FARS2: variants seen among roughly 807,000 people sequenced by gnomAD.
FARS2 encodes the protein phenylalanyl-tRNA synthetase 2, mitochondrial.
In FARS2, 40 loss-of-function variants were observed where a neutral mutation model predicts 46.4. The ratio of observed to expected loss-of-function variants is 0.86; its 90% CI spans 0.67 to 1.12. The LOEUF (loss-of-function observed/expected upper bound fraction) is 1.12, where lower values mean the gene tolerates loss of function less well. FARS2 is among the 50% of genes most tolerant of loss of function. FARS2 has a pLI of 0.00. For missense variants in FARS2, 513 were observed against 567.9 expected (o/e 0.90, Z 0.98); for synonymous variants, 234 against 214.9 (o/e 1.09, Z -0.78).
intron 1 of FARS2, among the ~76,000 whole-genome samples, chr6:5,364,360 T>G (rs1758511810): frequency 6.6e-6 from 1 of 152,180 alleles, no homozygotes; most frequent in African/African-American, 2.4e-5. Flanking sequence ...AAACCAACAT[T>G]AGTATCTCTG....
chr6:5,442,884 G>A (rs775488154), intron 4 of FARS2, among the ~76,000 whole-genome samples: 13 of 152,076 alleles, frequency 8.5e-5, no homozygotes, highest in Non-Finnish European at 1.8e-4. Context: ...TTCCATTACT[G>A]TAATAAAAAT....
rs117905018 is a variant in FARS2, at chr6:5,377,294, C to T, written c.612+8112C>T. 3.8e-4 allele frequency among the ~76,000 whole-genome samples: 58 copies of T among 152,282 alleles called. 1 individual carries two copies. In the East Asian group the frequency reaches 9.3e-3, roughly 24 times the overall value. On this transcript the variant is annotated intron_variant, in intron 2 of 6. Transcript: ENST00000274680. Reference sequence around the variant, plus strand: ...CACCAGATGCACACTTGTGTGTGGGCCCTGAGGATGGACAGAGGAGTTGCG... The same window carrying T: ...CACCAGATGCACACTTGTGTGTGGGTCCTGAGGATGGACAGAGGAGTTGCG...
At chr6:5,562,441 A>T (rs1388769287) in intron 5 of FARS2, among the ~76,000 whole-genome samples, 1 of 152,158 alleles carries the variant, frequency 6.6e-6, no homozygotes, top group African/African-American at 2.4e-5. Flanking sequence ...TAGGTGATTC[A>T]AAGCATGAAC....
At chr6:5,712,834 G>A (rs144906373) in intron 6 of FARS2, among the ~76,000 whole-genome samples, 85 of 152,340 alleles carry the variant, frequency 5.6e-4, no homozygotes, top group African/African-American at 2.0e-3. Context: ...TGGTCACACA[G>A]ACACAGTCAG....
At chr6:5,444,633 T>G (rs756042252) in intron 4 of FARS2, among the ~76,000 whole-genome samples, 29 of 152,156 alleles carry the variant, frequency 1.9e-4, no homozygotes, top group Non-Finnish European at 4.0e-4. Flanking sequence ...CACTATGGTA[T>G]TCCCAGTTCC....
intron 6 of FARS2, among the ~76,000 whole-genome samples, chr6:5,614,478 C>T (rs1318335571): frequency 1.3e-5 from 2 of 150,450 alleles, no homozygotes; most frequent in African/African-American, 2.5e-5. Flanking sequence ...GATGCGATCT[C>T]GGCTCACTGC....
chr6:5,321,852 G>A (rs1449762280), intron 1 of FARS2, among the ~76,000 whole-genome samples: 7 of 152,198 alleles, frequency 4.6e-5, no homozygotes, highest in Non-Finnish European at 1.0e-4. Context: ...AGATTAACTA[G>A]ATACTTGATC....
At chr6:5,681,888 G>T (rs2150835238) in intron 6 of FARS2, among the ~76,000 whole-genome samples, 1 of 152,166 alleles carries the variant, frequency 6.6e-6, no homozygotes, top group South Asian at 2.1e-4. Context: ...TCAATAATTT[G>T]TAAAGTGATT....
At chr6:5,326,611 A>G (rs1770405838) in intron 1 of FARS2, among the ~76,000 whole-genome samples, 1 of 152,176 alleles carries the variant, frequency 6.6e-6, no homozygotes, top group Admixed American at 6.5e-5. Flanking sequence ...CCTTCGTTAA[A>G]GCTTCGAGTT....
intron 6 of FARS2, among the ~76,000 whole-genome samples, chr6:5,673,199 T>C (rs983897570): frequency 6.6e-6 from 1 of 152,182 alleles, no homozygotes; most frequent in African/African-American, 2.4e-5. Context: ...ACTGTCTACT[T>C]CCCACGTTGA....
intron 4 of FARS2, among the ~76,000 whole-genome samples, chr6:5,496,885 T>A (rs1047349490): frequency 3.3e-5 from 5 of 152,154 alleles, no homozygotes; most frequent in Non-Finnish European, 7.3e-5. Flanking sequence ...GGTCTCACTA[T>A]ATTGCCTAGG....
At chr6:5,622,034 C>G (rs867858552) in intron 6 of FARS2, among the ~76,000 whole-genome samples, 2 of 152,398 alleles carry the variant, frequency 1.3e-5, no homozygotes, top group Middle Eastern at 6.8e-3. Context: ...AATAGCCTGA[C>G]TGACTGAGCT....
intron 4 of FARS2, among the ~76,000 whole-genome samples, chr6:5,516,423 T>A (rs1407452647): frequency 6.6e-6 from 1 of 152,228 alleles, no homozygotes; most frequent in Non-Finnish European, 1.5e-5. Flanking sequence ...CTCTAATTTG[T>A]AAATGGATTT....
At chr6:5,731,773 G>T (rs1760639229) in intron 6 of FARS2, among the ~76,000 whole-genome samples, 1 of 152,108 alleles carries the variant, frequency 6.6e-6, no homozygotes, top group African/African-American at 2.4e-5. Flanking sequence ...TTAAACTGAA[G>T]ATCAGAAAAA....
intron 6 of FARS2, among the ~76,000 whole-genome samples, chr6:5,624,051 G>A (rs1017925576): frequency 6.6e-6 from 1 of 152,166 alleles, no homozygotes; most frequent in East Asian, 1.9e-4. Context: ...GACACTGCCA[G>A]GCCTCTTTAA....
At chr6:5,756,114 A>G (rs1762191099) in intron 6 of FARS2, among the ~76,000 whole-genome samples, 1 of 152,176 alleles carries the variant, frequency 6.6e-6, no homozygotes, top group African/African-American at 2.4e-5. Context: ...ATGTCGGCCA[A>G]AGCTTTCATT....
At chr6:5,299,292 C>T (rs192611245) in intron 1 of FARS2, among the ~76,000 whole-genome samples, 16 of 152,306 alleles carry the variant, frequency 1.1e-4, no homozygotes, top group Non-Finnish European at 1.5e-4. Context: ...ATGCTTCCTA[C>T]ACTCCTGTGT....
intron 2 of FARS2, among the ~76,000 whole-genome samples, chr6:5,395,632 C>T (rs914484600): frequency 6.6e-6 from 1 of 152,290 alleles, no homozygotes; most frequent in East Asian, 1.9e-4. Flanking sequence ...TTATTCTCCA[C>T]TAATTAACGT....
intron 1 of FARS2, among the ~76,000 whole-genome samples, chr6:5,279,903 C>T (rs1423588110): frequency 6.6e-6 from 1 of 152,186 alleles, no homozygotes; most frequent in Non-Finnish European, 1.5e-5. Flanking sequence ...TAATCTCATC[C>T]AGAAACATGC....
Sources: allele counts gnomAD v4.1 joint callset (sites outside exome capture counted in the v4.1 genomes callset), GRCh38; gene constraint gnomAD v4.1.1; transcripts MANE v1.5; gene names NCBI Gene and HGNC (gene_info 2026-07-23, HGNC 2026-07-21).